Variants in PPP1R12C observed in about 807,000 individuals in gnomAD.
PPP1R12C encodes leukocyte receptor cluster (LRC) encoded novel gene 3.
Under a neutral mutation model 95.6 loss-of-function variants are expected in PPP1R12C, and 48 were observed. The observed-to-expected ratio is 0.50, with a 90% CI of 0.40 to 0.64. The LOEUF is 0.64. PPP1R12C is among the 30% of genes least tolerant of loss of function. PPP1R12C has a pLI of 0.00. For synonymous variants in PPP1R12C, 480 were observed against 460.8 expected, an observed-to-expected ratio of 1.04 and a Z score of -0.53; for missense variants, 1,057 against 1,083.3, an observed-to-expected ratio of 0.98 and a Z score of 0.34.
chr19:55,109,127 A>G lies in PPP1R12C; in HGVS notation c.571+3340T>C, dbSNP rs943802627. On this transcript the variant is annotated intron_variant, in intron 3 of 21. Coordinates refer to ENST00000263433, the MANE Select transcript of PPP1R12C (RefSeq NM_017607.4). This position sits in a 1 kb window ranked among gnomAD's most constrained non-coding sequence, Gnocchi z 4.4. ...TAAATTGCCTTTTTTGTTTTGGTTT[A>G]TTTGGTTGAGACAGGGTCTTGCCCC... is the stretch of plus-strand genomic sequence containing the variant. Among the ~76,000 whole-genome samples, 5 of 152,034 alleles carry G rather than the reference A, an allele frequency of 3.3e-5. No individual in the cohort carries two copies. Among genetic ancestry groups the G allele is most frequent in the African/African-American group, 1.2e-4 (5 of 41,500 alleles).
In PPP1R12C at chr19:55,093,240, G is replaced by C; in HGVS notation, c.1684-7C>G. ...GGTCTGTAAGAGTCACACCCTGGCA[G>C]GGAAAGGGGACAGTCAGGGGACGCT... On this transcript the variant is annotated splice_polypyrimidine_tract_variant and splice_region_variant and intron_variant, in intron 13 of 21. Transcript: ENST00000263433. 6.2e-7 allele frequency: 1 copy of C among 1,611,816 alleles called. No individual in the cohort carries two copies. Among genetic ancestry groups the C allele is most frequent in the Non-Finnish European group, 8.5e-7 (1 of 1,179,478 alleles).
chr19:55,107,832 TAAA>T (rs2147204491), intron 3 of PPP1R12C, among the ~76,000 whole-genome samples: 1 of 151,014 alleles, frequency 6.6e-6, no homozygotes, highest in Admixed American at 6.6e-5. Context: ...CCATAGAACT[TAAA>T]GTATAAATTA....
chr19:55,100,464 A>C (rs889019222), intron 4 of PPP1R12C, among the ~76,000 whole-genome samples: 1 of 152,266 alleles, frequency 6.6e-6, no homozygotes, highest in African/African-American at 2.4e-5. Context: ...TATGAGCCGC[A>C]CACAGGCCCA....
rs2084904107 is a variant in PPP1R12C, at chr19:55,095,772, C to A, written c.1227+95G>T. The A allele has an allele frequency of 2.6e-6, 4 of 1,536,226 alleles. No homozygotes were observed. The East Asian group carries it at 6.7e-5, about 26-fold the overall frequency. On this transcript the variant is annotated intron_variant, in intron 9 of 21. Coordinates refer to ENST00000263433, the MANE Select transcript of PPP1R12C (RefSeq NM_017607.4). ...GGACGACTCTGGGAACTATAGTCTTCCCCCTATCTGCCCCTGCCAGAGGTT... is the reference window on the plus strand; with the variant it reads ...GGACGACTCTGGGAACTATAGTCTTACCCCTATCTGCCCCTGCCAGAGGTT...
intron 3 of PPP1R12C, among the ~76,000 whole-genome samples, 171 bp from the exon 4 acceptor site, chr19:55,103,739 T>A (rs2085003479): frequency 6.6e-6 from 1 of 152,086 alleles, no homozygotes; most frequent in African/African-American, 2.4e-5. Flanking sequence ...CCAACTGTAC[T>A]CCATGCAGTC....
intron 6 of PPP1R12C, among the ~76,000 whole-genome samples, chr19:55,098,270 G>A (rs1418970319): frequency 6.6e-6 from 1 of 152,226 alleles, no homozygotes; most frequent in Non-Finnish European, 1.5e-5. Flanking sequence ...TAAGGAAACT[G>A]AGGCCCGGAA....
intron 6 of PPP1R12C, among the ~76,000 whole-genome samples, chr19:55,098,457 C>A (rs569214870): frequency 6.6e-6 from 1 of 152,348 alleles, no homozygotes; most frequent in African/African-American, 2.4e-5. Flanking sequence ...GAGTCTAGGA[C>A]AATCCTGCAC....
intron 2 of PPP1R12C, 33 bp from the exon 3 acceptor site, chr19:55,112,618 C>T (rs370792353): frequency 1.9e-6 from 3 of 1,612,358 alleles, no homozygotes; most frequent in South Asian, 2.2e-5. Flanking sequence ...GCTGAGGGTC[C>T]AGGCCCCCAC....
intron 3 of PPP1R12C, chr19:55,111,663 G>C (rs900606255): frequency 6.6e-6 from 1 of 152,162 alleles, no homozygotes; most frequent in Non-Finnish European, 1.5e-5. Flanking sequence ...CAGAAGTCTC[G>C]GAGGCTGCCG....
chr19:55,094,659 A>C lies in PPP1R12C; in HGVS notation c.1592+2T>G. 4 of 1,583,462 alleles carry C rather than the reference A, an allele frequency of 2.5e-6. No homozygotes were observed. The highest frequency in any genetic ancestry group is 3.4e-6 in the Non-Finnish European group (4 of 1,169,588). ...GGCAGCTTCCTGCCCTGGCCTCTTCACCTCCGTCGGTCCCGGGAGTCCGCT... is the reference window on the plus strand; with the variant it reads ...GGCAGCTTCCTGCCCTGGCCTCTTCCCCTCCGTCGGTCCCGGGAGTCCGCT... On this transcript the variant is annotated splice_donor_variant, in intron 12 of 21. Coordinates refer to ENST00000263433, the MANE Select transcript of PPP1R12C (RefSeq NM_017607.4). LOFTEE classifies it high-confidence loss of function.
At chr19:55,103,373 T>G in intron 4 of PPP1R12C, 36 bp downstream of exon 4, 1 of 1,422,298 alleles carries the variant, frequency 7.0e-7, no homozygotes, top group Non-Finnish European at 9.3e-7. Context: ...CAGGAAGGTA[T>G]AAGACAGCAA....
Position 55,095,509 on chromosome 19 carries a change from C to A in PPP1R12C, c.1322G>T (p.Gly441Val). The A allele has an allele frequency of 6.3e-7, 1 of 1,576,178 alleles. No individual in the cohort carries two copies. The highest frequency in any genetic ancestry group is 8.6e-7 in the Non-Finnish European group (1 of 1,161,002). Residue 441 changes from glycine to valine, a missense_variant, in exon 10 of 22, where the codon GGA (glycine) becomes GTA (valine). Coordinates refer to ENST00000263433, the MANE Select transcript of PPP1R12C (RefSeq NM_017607.4). ...GCGCTGCAGCCCAGCCCCAGGGGCT[C>A]CCTCCGCTGTCCGCCTTTCAGGGGG... ...LGPPERRTAEGAPGAGLQRSA... is the reference protein window; with the variant it reads ...LGPPERRTAEVAPGAGLQRSA...
chr19:55,113,366 C>CAGGGG lies in PPP1R12C; in HGVS notation c.322-572_322-571insCCCCT, dbSNP rs757666396. Reference sequence around the variant, plus strand: ...CAGACTCAGGGGCCTGGGCGGGACTCCCAGAGGGGTGAGACAGCTGCACAC... The same window carrying CAGGGG: ...CAGACTCAGGGGCCTGGGCGGGACTCAGGGGCCAGAGGGGTGAGACAGCTGCACAC... On this transcript the variant is annotated intron_variant, in intron 1 of 21. Transcript: ENST00000263433. The CAGGGG allele has an allele frequency of 3.5e-6, 5 of 1,417,844 alleles. No individual in the cohort carries two copies. The South Asian group carries it at 7.3e-5, about 21-fold the overall frequency. The allele number at this position is 1,417,844 out of a possible 1,614,324, so 87.8% of individuals were successfully genotyped here. A position where few individuals can be genotyped will look rare whatever the true frequency, so the allele number is the denominator to read the frequency against.
intron 3 of PPP1R12C, among the ~76,000 whole-genome samples, chr19:55,108,685 T>C (rs2085064191): frequency 1.3e-5 from 2 of 152,132 alleles, no homozygotes; most frequent in African/African-American, 4.8e-5. Flanking sequence ...TACATCTACA[T>C]TGTGTGTTTT....
intron 1 of PPP1R12C, 42 bp downstream of exon 1, chr19:55,117,181 G>A: frequency 2.5e-6 from 3 of 1,215,208 alleles, no homozygotes; most frequent in Non-Finnish European, 3.1e-6. Flanking sequence ...CGCAGCAGAG[G>A]GTGGACCTGG....
At chr19:55,113,512 C>T (rs2147213957) in intron 1 of PPP1R12C, 2 of 1,400,378 alleles carry the variant, frequency 1.4e-6, no homozygotes, top group East Asian at 5.7e-5. Context: ...GGGTCCAAAA[C>T]TTGGGGGGAC....
At position 55,092,622 on chromosome 19, in the gene PPP1R12C, C is replaced by A; in HGVS notation, c.1952G>T (p.Ser651Ile). The A allele has an allele frequency of 6.5e-7, 1 of 1,535,952 alleles. No individual in the cohort carries two copies. The highest frequency in any genetic ancestry group is 2.3e-5 in the East Asian group (1 of 42,758). The change falls in exon 17 of 22, where the codon AGC becomes ATC. Residue 651 changes from serine to isoleucine, a missense_variant and splice_region_variant. By Grantham distance (142) the Ser-to-Ile change is moderately radical. This residue lies in a region of PPP1R12C where 347 missense variants were observed against 307.9 expected (regional missense o/e 1.13). Transcript: ENST00000263433. The part of the protein sequence containing the change: ...AEPADRSQES[S>I]TLEGGPSARR... ...CCCACCTCTCCCACCCCGCCCCTAC[C>A]TGGACTCCTGGCTGCGGTCAGCCGG...
chr19:55,103,688 C>T, intron 3 of PPP1R12C, 120 bp from the exon 4 acceptor site: 1 of 955,774 alleles, frequency 1.0e-6, no homozygotes, highest in Non-Finnish European at 1.4e-6. Flanking sequence ...CCCCCTGCTC[C>T]CCTCTGAGAC....
chr19:55,094,837 G>T (rs2084891550), intron 11 of PPP1R12C, 39 bp from the exon 12 acceptor site: 9 of 1,557,066 alleles, frequency 5.8e-6, no homozygotes, highest in Non-Finnish European at 7.8e-6. Context: ...TTACCCAGGT[G>T]CATTGTGTGC....
Sources: allele counts gnomAD v4.1 joint callset (sites outside exome capture counted in the v4.1 genomes callset), GRCh38; gene constraint gnomAD v4.1.1; regional missense constraint gnomAD v4.1.1; non-coding constraint Gnocchi (gnomAD v3.1); transcripts MANE v1.5; gene names NCBI Gene and HGNC (gene_info 2026-07-23, HGNC 2026-07-21).